EFHC1: variants seen among roughly 807,000 people sequenced by gnomAD.
The protein encoded by EFHC1 is EF-hand domain-containing protein 1.
EFHC1 carries 53 observed loss-of-function variants against 69.9 expected under a neutral mutation model. That is an observed-to-expected ratio of 0.76 (90% CI 0.61 to 0.95). The LOEUF (loss-of-function observed/expected upper bound fraction) is 0.95. EFHC1 is among the 40% of genes least tolerant of loss of function. The pLI is 0.00. For synonymous variants in EFHC1, 256 were observed against 278.4 expected (o/e 0.92, Z 0.80); for missense variants, 739 against 798.7 (o/e 0.93, Z 0.90).
At chr6:52,479,851 C>T in intron 9 of EFHC1, 64 bp downstream of exon 9, 1 of 1,599,758 alleles carries the variant, frequency 6.3e-7, no homozygotes, top group Non-Finnish European at 8.5e-7. Flanking sequence ...CTTGAGAAAA[C>T]AAATGAGTAA....
In EFHC1 at chr6:52,496,513, A is replaced by G. The variant is rs1766066024; in HGVS notation, c.*4172A>G. The G allele has an allele frequency of 6.6e-6, 1 of 152,276 alleles. No homozygotes were observed. Among genetic ancestry groups the G allele is most frequent in the East Asian group, 1.9e-4 (1 of 5,188 alleles). 9.4% of individuals were successfully genotyped at this position (152,276 alleles called of 1,614,324 possible). On this transcript the variant is annotated 3_prime_UTR_variant, in exon 11 of 11. Transcript: ENST00000371068. ...ACATAGGTAGAGAAGACGTCTCTAA[A>G]TGTTGTCCAGAGAATCCACTTGGTT...
intron 3 of EFHC1, among the ~76,000 whole-genome samples, chr6:52,449,284 G>A (rs1764862489): frequency 6.6e-6 from 1 of 152,034 alleles, no homozygotes; most frequent in South Asian, 2.1e-4. Context: ...TCGGGGCTGA[G>A]GCAGGAGAAT....
At chr6:52,457,181 C>T (rs935707089) in intron 5 of EFHC1, among the ~76,000 whole-genome samples, 2 of 152,136 alleles carry the variant, frequency 1.3e-5, no homozygotes, top group Non-Finnish European at 2.9e-5. Context: ...TTTCTAGTGT[C>T]ATTAAGAAGA....
At chr6:52,490,387 G>A in intron 10 of EFHC1, 37 bp downstream of exon 10, 2 of 1,557,988 alleles carry the variant, frequency 1.3e-6, no homozygotes, top group Non-Finnish European at 1.8e-6. Context: ...CATTGCAGAG[G>A]CTAGGCACTG....
intron 7 of EFHC1, among the ~76,000 whole-genome samples, chr6:52,475,609 C>A (rs1765529249): frequency 6.6e-6 from 1 of 152,330 alleles, no homozygotes; most frequent in South Asian, 2.1e-4. Context: ...GAAAATATTA[C>A]AGCCTCTGTT....
At position 52,495,533 on chromosome 6, in the gene EFHC1, G is replaced by A. The variant is rs3789771; in HGVS notation, c.*3192G>A. The A allele has an allele frequency of 0.082, 37,124 of 454,022 alleles. 1,703 individuals carry two copies. The highest frequency in any genetic ancestry group is 0.17 in the East Asian group (2,475 of 14,384). 28.1% of individuals were successfully genotyped at this position (454,022 alleles called of 1,614,324 possible). ...AGCTTTGGGTCTCAGCCAAAATGGA[G>A]ATTTAGGAAAGTCTCATTTAGCATC... is the stretch of plus-strand genomic sequence containing the variant. On this transcript the variant is annotated 3_prime_UTR_variant, in exon 11 of 11. Coordinates refer to ENST00000371068, the MANE Select transcript of EFHC1 (RefSeq NM_018100.4).
chr6:52,441,769 A>T (rs1420780972), intron 3 of EFHC1, among the ~76,000 whole-genome samples: 6 of 151,986 alleles, frequency 3.9e-5, no homozygotes, highest in Non-Finnish European at 8.8e-5. Context: ...GTTATCTCTG[A>T]TTTCCTTAAG....
intron 3 of EFHC1, among the ~76,000 whole-genome samples, chr6:52,449,399 AG>A (rs1450633910): frequency 2.0e-5 from 3 of 150,590 alleles, no homozygotes; most frequent in Non-Finnish European, 3.0e-5. Flanking sequence ...AAAAAAAAAT[AG>A]TACCAGCTCT....
intron 3 of EFHC1, among the ~76,000 whole-genome samples, chr6:52,442,202 G>C (rs1764679643): frequency 1.3e-5 from 2 of 152,048 alleles, no homozygotes; most frequent in Non-Finnish European, 2.9e-5. Context: ...AATGCTTCCA[G>C]CTTTTCCCTG....
At chr6:52,490,657 A>G in intron 10 of EFHC1, 1 of 564,712 alleles carries the variant, frequency 1.8e-6, no homozygotes, top group Non-Finnish European at 3.1e-6. Context: ...TACCAAGGGG[A>G]GACTCAAAGA....
rs1369596699 is a variant in EFHC1, at chr6:52,495,206, T to C, written c.*2865T>C. ...CCAGATGGCTCTCTTGGCTGTGTAATTAGGCAGCTCAATCCCTTTCCTTTA... is the reference window on the plus strand; with the variant it reads ...CCAGATGGCTCTCTTGGCTGTGTAACTAGGCAGCTCAATCCCTTTCCTTTA... On this transcript the variant is annotated 3_prime_UTR_variant, in exon 11 of 11. Coordinates refer to ENST00000371068, the MANE Select transcript of EFHC1 (RefSeq NM_018100.4). 3 of 454,094 alleles carry C rather than the reference T, an allele frequency of 6.6e-6. No homozygotes were observed. The allele number at this position is 454,094 out of a possible 1,614,324, so 28.1% of individuals were successfully genotyped here.
rs1765610593 is a variant in EFHC1, at chr6:52,479,113, T to C, written c.1355T>C (p.Phe452Ser). ...CTAGCTACCGACATGATCAGTATCT[T>C]TGAGCCTCCTGTTCGCAATTCTGGT... is the stretch of plus-strand genomic sequence containing the variant. The part of the protein sequence containing the change: ...YFLATDMISI[F>S]EPPVRNSGII... The change falls in exon 8 of 11, where the codon TTT becomes TCT. Residue 452 changes from phenylalanine to serine, a missense_variant. Phe to Ser is a radical substitution (Grantham distance 155). Transcript: ENST00000371068. 3 of 1,614,140 alleles carry C rather than the reference T, an allele frequency of 1.9e-6. No individual in the cohort carries two copies. Among genetic ancestry groups the C allele is most frequent in the Non-Finnish European group, 2.5e-6 (3 of 1,179,996 alleles).
intron 5 of EFHC1, among the ~76,000 whole-genome samples, chr6:52,456,235 T>C (rs1221625509): frequency 6.6e-6 from 1 of 152,234 alleles, no homozygotes; most frequent in Non-Finnish European, 1.5e-5. Flanking sequence ...TTCAACATAG[T>C]TTGGCTTCTA....
rs1766064058 is a variant in EFHC1, at chr6:52,496,444, G to A, written c.*4103G>A. On this transcript the variant is annotated 3_prime_UTR_variant, in exon 11 of 11. Transcript: ENST00000371068. ...GGCCTTGAAAATACCATCCAATTAA[G>A]GTGTATCAAATCCATATCTATAGGC... 6.6e-6 allele frequency: 1 copy of A among 152,034 alleles called. No homozygotes were observed. Among genetic ancestry groups the A allele is most frequent in the Non-Finnish European group, 1.5e-5 (1 of 68,012 alleles). The allele number at this position is 152,034 out of a possible 1,614,324, so 9.4% of individuals were successfully genotyped here.
At position 52,452,952 on chromosome 6, in the gene EFHC1, T is replaced by C. The variant is rs1316811539; in HGVS notation, c.723+115T>C. On this transcript the variant is annotated intron_variant, in intron 4 of 10. Transcript: ENST00000371068. The stretch of plus-strand genomic sequence containing the variant: ...CTATTTTGAAACATTACAGCTATAA[T>C]TGAACTGTTTGGACACAGTACTGTC... 3 of 1,595,820 alleles carry C rather than the reference T, an allele frequency of 1.9e-6. No individual in the cohort carries two copies. In the African/African-American group the frequency reaches 4.0e-5, roughly 21 times the overall value.
chr6:52,430,375 G>A (rs1764390042), intron 2 of EFHC1: 1 of 152,014 alleles, frequency 6.6e-6, no homozygotes. Context: ...TTACATTGAG[G>A]TATGTCCCTT....
Position 52,474,009 on chromosome 6 carries a change from G to A in EFHC1, c.1278+4536G>A, listed in dbSNP as rs114247578. Among the ~76,000 whole-genome samples, 1,076 of 152,050 alleles carry A rather than the reference G, an allele frequency of 7.1e-3. 20 individuals carry two copies. Among genetic ancestry groups the A allele is most frequent in the African/African-American group, 0.024 (1,013 of 41,478 alleles). ...CTTGAACAGGCATTTCACAAAAGAG[G>A]ATATCCAAGAGGCAACTAAACATAT... On this transcript the variant is annotated intron_variant, in intron 7 of 10. Transcript: ENST00000371068.
intron 3 of EFHC1, among the ~76,000 whole-genome samples, chr6:52,440,896 C>CT (rs955103035): frequency 1.3e-5 from 2 of 151,760 alleles, no homozygotes; most frequent in East Asian, 1.9e-4. Context: ...TGATGTTGAG[C>CT]TTTTTTTTCA....
At chr6:52,464,105 A>AT (rs1188912659) in intron 5 of EFHC1, among the ~76,000 whole-genome samples, 4 of 152,226 alleles carry the variant, frequency 2.6e-5, no homozygotes, top group Non-Finnish European at 2.9e-5. Flanking sequence ...ACTAGAACTG[A>AT]TTGACTCTTA....
Sources: gnomAD v4.1 joint callset for allele counts (sites outside exome capture counted in the v4.1 genomes callset) on GRCh38, gnomAD v4.1.1 for gene constraint, MANE v1.5 for transcripts, NCBI Gene and HGNC (gene_info 2026-07-23, HGNC 2026-07-21) for gene names.